FBH1: variants seen among roughly 807,000 people sequenced by gnomAD.
FBH1 encodes DNA 3'-5' helicase 1.
In FBH1, 43 loss-of-function variants were observed where a neutral mutation model predicts 115.5. The observed-to-expected ratio is 0.37, with a 90% CI of 0.29 to 0.48. The LOEUF is 0.48. FBH1 is among the 20% of genes least tolerant of loss of function. The pLI, the probability that FBH1 is intolerant of heterozygous loss-of-function variation, is 0.99. For synonymous variants in FBH1, 524 were observed against 507.8 expected (o/e 1.03, Z -0.43); for missense variants, 1,001 against 1,337.3 (o/e 0.75, Z 3.92).
In FBH1 at chr10:5,917,600, ACT is replaced by A; in HGVS notation, c.1890_1891del (p.Trp631AlafsTer11). The A allele has an allele frequency of 6.2e-7, 1 of 1,612,952 alleles. No individual in the cohort carries two copies. Among genetic ancestry groups the A allele is most frequent in the Non-Finnish European group, 8.5e-7 (1 of 1,179,768 alleles). On this transcript the variant is annotated frameshift_variant, in exon 12 of 21. Coordinates refer to ENST00000362091, the MANE Select transcript of FBH1 (RefSeq NM_178150.3). LOFTEE classifies it high-confidence loss of function. The surrounding 1 kb of genome is among the most constrained non-coding windows in gnomAD (Gnocchi z 5.6). ...CTCTCCTTATTTTAGGCTACTTGAAACTCTGGCAGCTGAGCAAGCCTTCGCTG... is the reference window on the plus strand; with the variant it reads ...CTCTCCTTATTTTAGGCTACTTGAAACTGGCAGCTGAGCAAGCCTTCGCTG... ...HQMTHDGYLK[L>X]WQLSKPSLAS... is the part of the protein sequence containing the mutation.
rs775279363 is a variant in FBH1, at chr10:5,925,345, G to T, written c.2597-22G>T. 6.2e-7 allele frequency: 1 copy of T among 1,613,104 alleles called. No homozygotes were observed. Among genetic ancestry groups the T allele is most frequent in the East Asian group, 2.2e-5 (1 of 44,816 alleles). On this transcript the variant is annotated intron_variant, in intron 17 of 20. Coordinates refer to ENST00000362091, the MANE Select transcript of FBH1 (RefSeq NM_178150.3). This position sits in a 1 kb window ranked among gnomAD's most constrained non-coding sequence, Gnocchi z 4.6. The stretch of plus-strand genomic sequence containing the variant: ...CTTTCCCTTTGAAGCACCATCTAAC[G>T]TGTGCTGTGTTTTTATCCTAGAGTA...
Position 5,914,641 on chromosome 10 carries a change from A to G in FBH1, c.1396+372A>G, listed in dbSNP as rs1383081212. Among the ~76,000 whole-genome samples, 1 of 152,230 alleles carries G rather than the reference A, an allele frequency of 6.6e-6. No individual in the cohort carries two copies. The highest frequency in any genetic ancestry group is 2.4e-5 in the African/African-American group (1 of 41,458). ...TCCCCAGTTTTATAGGGTGATGTCT[A>G]GAGGGCCTGCCTTAGATTGGCTTTT... is the stretch of plus-strand genomic sequence containing the variant. On this transcript the variant is annotated intron_variant, in intron 8 of 20. Transcript: ENST00000362091. This position sits in a 1 kb window ranked among gnomAD's most constrained non-coding sequence, Gnocchi z 5.2.
At position 5,921,071 on chromosome 10, in the gene FBH1, A is replaced by C. The variant is rs1268457516; in HGVS notation, c.2101-187A>C. 6.6e-6 allele frequency among the ~76,000 whole-genome samples: 1 copy of C among 152,252 alleles called. No homozygotes were observed. Among genetic ancestry groups the C allele is most frequent in the Non-Finnish European group, 1.5e-5 (1 of 68,038 alleles). On this transcript the variant is annotated intron_variant, in intron 13 of 20. Transcript: ENST00000362091. This position sits in a 1 kb window ranked among gnomAD's most constrained non-coding sequence, Gnocchi z 6.4. ...GAAAAATTTACTATTGGTGTTGAGA[A>C]TAATGGAAAATAAAGACTGCTGAGT...
rs750421504 is a variant in FBH1 at position 5,910,746 on chromosome 10, GAGA to G, written c.1021-189_1021-187del. 1.6e-4 allele frequency among the ~76,000 whole-genome samples: 25 copies of G among 152,232 alleles called. No individual in the cohort carries two copies. The highest frequency in any genetic ancestry group is 3.5e-4 in the Non-Finnish European group (24 of 68,040). On this transcript the variant is annotated intron_variant, in intron 5 of 20. Transcript: ENST00000362091. This position sits in a 1 kb window ranked among gnomAD's most constrained non-coding sequence, Gnocchi z 4.8. ...CTAAGATCTCAAATCCAAAAGTGATGAGAAGGAGTCCAGGGCGAACAGAAGGGC... is the reference window on the plus strand; with the variant it reads ...CTAAGATCTCAAATCCAAAAGTGATGAGGAGTCCAGGGCGAACAGAAGGGC...
Position 5,932,148 on chromosome 10 carries a change from A to G in FBH1, c.2830-4308A>G, listed in dbSNP as rs977940409. 6.6e-6 allele frequency among the ~76,000 whole-genome samples: 1 copy of G among 152,216 alleles called. No individual in the cohort carries two copies. The highest frequency in any genetic ancestry group is 2.4e-5 in the African/African-American group (1 of 41,450). ...GGTGACAGAGTGAGACCCTGTCTCA[A>G]AAGAAAAGATCAAAACTTTGTGATA... is the stretch of plus-strand genomic sequence containing the variant. On this transcript the variant is annotated intron_variant, in intron 19 of 20. Coordinates refer to ENST00000362091, the MANE Select transcript of FBH1 (RefSeq NM_178150.3). The surrounding 1 kb of genome is among the most constrained non-coding windows in gnomAD (Gnocchi z 5.9).
chr10:5,904,835 AT>A (rs923672608), intron 2 of FBH1, among the ~76,000 whole-genome samples: 42 of 151,198 alleles, frequency 2.8e-4, no homozygotes, highest in East Asian at 9.7e-4. Context: ...AACCGTTATA[AT>A]TTTTTTTTTA....
chr10:5,902,092 T>G (rs554383505), intron 1 of FBH1, among the ~76,000 whole-genome samples: 3 of 152,120 alleles, frequency 2.0e-5, no homozygotes, highest in Non-Finnish European at 4.4e-5. Context: ...AGGGAAGATA[T>G]GAAGTTTTCT....
chr10:5,890,311 G>T lies in FBH1; in HGVS notation c.-35G>T. On this transcript the variant is annotated 5_prime_UTR_variant, in exon 1 of 21. Transcript: ENST00000362091. Reference sequence around the variant, plus strand: ...GAGCGGCCGGCGGCGCGGGCCCGGCGGCGGCGGCAGCGGGGTCCGGGTCCG... The same window carrying T: ...GAGCGGCCGGCGGCGCGGGCCCGGCTGCGGCGGCAGCGGGGTCCGGGTCCG... 2.7e-6 allele frequency: 1 copy of T among 376,646 alleles called. No individual in the cohort carries two copies. Among genetic ancestry groups the T allele is most frequent in the Non-Finnish European group, 4.9e-6 (1 of 202,456 alleles). The allele number at this position is 376,646 out of a possible 1,614,324, so 23.3% of individuals were successfully genotyped here. A position where few individuals can be genotyped will look rare whatever the true frequency, so the allele number is the denominator to read the frequency against.
Position 5,921,718 on chromosome 10 carries a change from C to T in FBH1, c.2322+149C>T, listed in dbSNP as rs750023462. 3 of 1,030,540 alleles carry T rather than the reference C, an allele frequency of 2.9e-6. No individual in the cohort carries two copies. The highest frequency in any genetic ancestry group is 4.1e-6 in the Non-Finnish European group (3 of 739,602). The allele number at this position is 1,030,540 out of a possible 1,614,324, so 63.8% of individuals were successfully genotyped here. A position where few individuals can be genotyped will look rare whatever the true frequency, so the allele number is the denominator to read the frequency against. Reference sequence around the variant, plus strand: ...CACCAGGCTGCACCATGAGTGGTCTCTATCCCAGGCCATTCTGATTATGCC... The same window carrying T: ...CACCAGGCTGCACCATGAGTGGTCTTTATCCCAGGCCATTCTGATTATGCC... On this transcript the variant is annotated intron_variant, in intron 15 of 20. Coordinates refer to ENST00000362091, the MANE Select transcript of FBH1 (RefSeq NM_178150.3). The surrounding 1 kb of genome is among the most constrained non-coding windows in gnomAD (Gnocchi z 6.4).
intron 19 of FBH1, chr10:5,929,885 G>C (rs1019981484): frequency 6.6e-6 from 1 of 152,064 alleles, no homozygotes; most frequent in African/African-American, 2.4e-5. Context: ...TATAAACTTT[G>C]GTTTATAAGT....
At position 5,927,497 on chromosome 10, in the gene FBH1, C is replaced by T; in HGVS notation, c.2785C>T (p.Leu929Phe). The T allele has an allele frequency of 6.2e-7, 1 of 1,613,650 alleles. No individual in the cohort carries two copies. The highest frequency in any genetic ancestry group is 8.5e-7 in the Non-Finnish European group (1 of 1,179,902). The change falls in exon 19 of 21, where the codon CTC (leucine) becomes TTC (phenylalanine). Residue 929 changes from leucine (L) to phenylalanine (F), a missense_variant. Transcript: ENST00000362091. ...TGCAGTAACTCGAGCCAAGAAGCGT[C>T]TCATCATGACCAAATCATTGGAAAA... Reference protein sequence around the residue: ...YVAVTRAKKRLIMTKSLENIL... With the variant: ...YVAVTRAKKRFIMTKSLENIL...
intron 1 of FBH1, among the ~76,000 whole-genome samples, chr10:5,899,264 A>G (rs1404728737): frequency 6.6e-6 from 1 of 152,118 alleles, no homozygotes; most frequent in African/African-American, 2.4e-5. Flanking sequence ...GGTCTCAGAT[A>G]TGAGTGGTTT....
chr10:5,914,297 G>A lies in FBH1; in HGVS notation c.1396+28G>A. Reference sequence around the variant, plus strand: ...AAGGGAGCCCACATCAGGTTCACGAGGTGGTGGTTTTCTGCCTTTTCTCCC... The same window carrying A: ...AAGGGAGCCCACATCAGGTTCACGAAGTGGTGGTTTTCTGCCTTTTCTCCC... On this transcript the variant is annotated intron_variant, in intron 8 of 20. Transcript: ENST00000362091. The surrounding 1 kb of genome is among the most constrained non-coding windows in gnomAD (Gnocchi z 5.2). 1 of 1,604,468 alleles carries A rather than the reference G, an allele frequency of 6.2e-7. No homozygotes were observed. Among genetic ancestry groups the A allele is most frequent in the Non-Finnish European group, 8.5e-7 (1 of 1,171,146 alleles).
Position 5,906,230 on chromosome 10 carries a change from C to T in FBH1, c.351C>T (p.Ala117=). The T allele has an allele frequency of 1.2e-6, 2 of 1,614,220 alleles. No individual in the cohort carries two copies. Among genetic ancestry groups the T allele is most frequent in the Non-Finnish European group, 1.7e-6 (2 of 1,180,032 alleles). ...GSAGPGSPGS[A]PPSRKRSWSS... ...CAGGGCCGGGCTCACCAGGGTCTGCCCCGCCCTCCAGGAAGCGGTCTTGGT... is the reference window on the plus strand; with the variant it reads ...CAGGGCCGGGCTCACCAGGGTCTGCTCCGCCCTCCAGGAAGCGGTCTTGGT... The change falls in exon 3 of 21, where the codon GCC becomes GCT. Residue 117 remains alanine, a synonymous_variant. Transcript: ENST00000362091. The surrounding 1 kb of genome is among the most constrained non-coding windows in gnomAD (Gnocchi z 7.3).
chr10:5,903,806 T>A (rs1419219729), intron 2 of FBH1, among the ~76,000 whole-genome samples: 2 of 152,196 alleles, frequency 1.3e-5, no homozygotes, highest in African/African-American at 4.8e-5. Context: ...ATCTTCTCTG[T>A]CCAATCTGTC....
rs571209804 is a variant in FBH1 at position 5,936,944 on chromosome 10, G to C, written c.2962-166G>C. ...TGGGGGTGTTGAGGCCACCTAGTTGGTGGTGCTGTGGGAGGTGTTACTCTG... is the reference window on the plus strand; with the variant it reads ...TGGGGGTGTTGAGGCCACCTAGTTGCTGGTGCTGTGGGAGGTGTTACTCTG... On this transcript the variant is annotated intron_variant, in intron 20 of 20. Transcript: ENST00000362091. The surrounding 1 kb of genome is among the most constrained non-coding windows in gnomAD (Gnocchi z 5.6). The C allele has an allele frequency of 3.2e-5, 23 of 727,690 alleles. No individual in the cohort carries two copies. In the South Asian group the frequency reaches 4.7e-4, roughly 15 times the overall value. 45.1% of individuals were successfully genotyped at this position (727,690 alleles called of 1,614,324 possible). A position where few individuals can be genotyped will look rare whatever the true frequency, so the allele number is the denominator to read the frequency against.
intron 19 of FBH1, among the ~76,000 whole-genome samples, chr10:5,930,574 G>C (rs190005507): frequency 4.6e-5 from 7 of 152,228 alleles, no homozygotes; most frequent in Admixed American, 2.6e-4. Flanking sequence ...AGAGGGCTTC[G>C]TGCTTTGCCT....
intron 1 of FBH1, among the ~76,000 whole-genome samples, chr10:5,891,654 G>A (rs1426646863): frequency 1.3e-5 from 2 of 152,152 alleles, no homozygotes; most frequent in African/African-American, 2.4e-5. Context: ...CTGTTGCTCC[G>A]GGTGGAGTGC....
rs1197509239 is a variant in FBH1, at chr10:5,895,985, T to A, written c.1+5639T>A. ...AACACTCAGTTTCACTTTCTGTGAC[T>A]TGTTTTGTAAGTTGTTTTCAATAAA... On this transcript the variant is annotated intron_variant, in intron 1 of 20. Coordinates refer to ENST00000362091, the MANE Select transcript of FBH1 (RefSeq NM_178150.3). The surrounding 1 kb of genome is among the most constrained non-coding windows in gnomAD (Gnocchi z 5.0). Among the ~76,000 whole-genome samples the A allele has an allele frequency of 1.3e-5, 2 of 152,144 alleles. No individual in the cohort carries two copies. Among genetic ancestry groups the A allele is most frequent in the Non-Finnish European group, 2.9e-5 (2 of 68,024 alleles).
Sources: gnomAD v4.1 joint callset for allele counts (sites outside exome capture counted in the v4.1 genomes callset) on GRCh38, gnomAD v4.1.1 for gene constraint, Gnocchi (gnomAD v3.1) non-coding constraint, MANE v1.5 for transcripts, NCBI Gene and HGNC (gene_info 2026-07-23, HGNC 2026-07-21) for gene names.